Variants in RANBP2 observed in about 807,000 individuals in gnomAD.
The protein encoded by RANBP2 is RAN binding protein 2.
In RANBP2, 57 loss-of-function variants were observed where a neutral mutation model predicts 303.6. That is an observed-to-expected ratio of 0.19 (90% confidence interval 0.15 to 0.23). The LOEUF is 0.23. Among genes scored for constraint, RANBP2 ranks in the 10% least tolerant of loss-of-function variants. The pLI, the probability that RANBP2 is intolerant of heterozygous loss-of-function variation, is 1.00. For synonymous variants in RANBP2, 1,167 were observed against 1,301.5 expected (o/e 0.90, Z 2.23); for missense variants, 3,138 against 3,780.8 (o/e 0.83, Z 4.46).
the RANBP2 span, among the ~76,000 whole-genome samples, chr2:109,691,055 G>A: frequency 6.6e-6 from 1 of 152,192 alleles, no homozygotes; most frequent in Non-Finnish European, 1.5e-5. Context: ...TGCAAGGCAG[G>A]TTCTTTACAA....
the RANBP2 span, among the ~76,000 whole-genome samples, chr2:109,324,171 T>G: frequency 6.6e-6 from 1 of 152,232 alleles, no homozygotes; most frequent in Non-Finnish European, 1.5e-5. Context: ...TAATAATCCA[T>G]TGTGTGGCTA....
chr2:109,614,556 G>T, the RANBP2 span: 1 of 1,327,196 alleles, frequency 7.5e-7, no homozygotes, highest in Non-Finnish European at 9.6e-7. Context: ...GCGCTTCCTG[G>T]CGGAGCGCGG....
chr2:108,974,436 T>G, the RANBP2 span, among the ~76,000 whole-genome samples: 18 of 147,700 alleles, frequency 1.2e-4, no homozygotes, highest in Admixed American at 4.1e-4. Flanking sequence ...GATTACACCA[T>G]GAAAAGTAGA....
chr2:108,719,691 C>A lies in RANBP2; in HGVS notation c.72+13C>A. The A allele has an allele frequency of 6.3e-7, 1 of 1,594,252 alleles. No individual in the cohort carries two copies. The highest frequency in any genetic ancestry group is 1.1e-5 in the South Asian group (1 of 88,310). On this transcript the variant is annotated intron_variant, in intron 1 of 28. Transcript: ENST00000283195. Reference sequence around the variant, plus strand: ...GTCGCCTCGACAGGTGAGTGGGTCTCGAAGAGACCGACGGCCTCGACCTGG... The same window carrying A: ...GTCGCCTCGACAGGTGAGTGGGTCTAGAAGAGACCGACGGCCTCGACCTGG...
chr2:108,877,437 G>T, the RANBP2 span, among the ~76,000 whole-genome samples: 1 of 152,122 alleles, frequency 6.6e-6, no homozygotes, highest in African/African-American at 2.4e-5. Flanking sequence ...TTGCACTCCA[G>T]CCTGGGCAAC....
the RANBP2 span, among the ~76,000 whole-genome samples, chr2:109,735,566 T>G: frequency 1.3e-5 from 2 of 151,900 alleles, no homozygotes; most frequent in Non-Finnish European, 2.9e-5. Flanking sequence ...ATTACAAGAG[T>G]TCAAAAAGAG....
chr2:108,940,555 C>A, the RANBP2 span, among the ~76,000 whole-genome samples: 1 of 152,234 alleles, frequency 6.6e-6, no homozygotes, highest in Admixed American at 6.5e-5. Context: ...CCAGATCGGG[C>A]GGAGGTGAGA....
the RANBP2 span, among the ~76,000 whole-genome samples, chr2:109,621,489 G>A: frequency 0.27 from 40,718 of 151,728 alleles, 5,775 homozygotes; most frequent in East Asian, 0.4. Context: ...GAACCTGGGA[G>A]CCCTCCATTA....
the RANBP2 span, among the ~76,000 whole-genome samples, chr2:109,142,282 G>A: frequency 1.3e-5 from 2 of 152,154 alleles, no homozygotes; most frequent in African/African-American, 4.8e-5. Flanking sequence ...TTCCATTGGT[G>A]TTCTCAGGAA....
chr2:109,314,069 G>A, the RANBP2 span, among the ~76,000 whole-genome samples: 47,382 of 151,920 alleles, frequency 0.31, 9,164 homozygotes, highest in African/African-American at 0.55. Context: ...GAGAGGGGCC[G>A]TGAGACCCGG....
At chr2:109,449,341 C>T in the RANBP2 span, 5 of 1,606,306 alleles carry the variant, frequency 3.1e-6, no homozygotes, top group Non-Finnish European at 4.3e-6. Context: ...CCGGCCATCC[C>T]CCTCACATCA....
At chr2:109,488,127 C>T in the RANBP2 span, among the ~76,000 whole-genome samples, 1 of 152,202 alleles carries the variant, frequency 6.6e-6, no homozygotes, top group African/African-American at 2.4e-5. Context: ...TCCGCCGGGA[C>T]ACCTGGGGCA....
the RANBP2 span, among the ~76,000 whole-genome samples, chr2:109,274,364 G>A: frequency 1.3e-5 from 2 of 152,186 alleles, no homozygotes; most frequent in Admixed American, 6.5e-5. Flanking sequence ...ACACAGTAGC[G>A]AAAAGGTGGG....
the RANBP2 span, among the ~76,000 whole-genome samples, chr2:109,138,973 GTAATAAGAGA>G: frequency 6.6e-6 from 1 of 152,238 alleles, no homozygotes; most frequent in Non-Finnish European, 1.5e-5. Context: ...TTGACATGTG[GTAATAAGAGA>G]CATGAAGACA....
intron 23 of RANBP2, among the ~76,000 whole-genome samples, chr2:108,773,514 T>C (rs956630030): frequency 1.3e-5 from 2 of 152,146 alleles, no homozygotes; most frequent in African/African-American, 4.8e-5. Context: ...AAAACACTGA[T>C]GAAATAAAAA....
the RANBP2 span, among the ~76,000 whole-genome samples, chr2:109,197,655 G>C: frequency 2.0e-5 from 3 of 152,334 alleles, no homozygotes; most frequent in Admixed American, 2.0e-4. Flanking sequence ...CTTTGCATTT[G>C]TGTTTTGTGA....
the RANBP2 span, among the ~76,000 whole-genome samples, chr2:109,361,779 T>G: frequency 2.0e-5 from 3 of 152,334 alleles, no homozygotes; most frequent in East Asian, 5.8e-4. Flanking sequence ...CCTATTGAAT[T>G]ATATATTTCT....
the RANBP2 span, among the ~76,000 whole-genome samples, chr2:109,242,111 G>A: frequency 0.2 from 27,973 of 137,422 alleles, 2,716 homozygotes; most frequent in East Asian, 0.34. Context: ...TCCTCTGTTC[G>A]CCTCCTGTTT....
the RANBP2 span, among the ~76,000 whole-genome samples, chr2:109,120,487 C>T: frequency 6.6e-6 from 1 of 152,128 alleles, no homozygotes; most frequent in Non-Finnish European, 1.5e-5. Flanking sequence ...TTGGCCTTCC[C>T]ATGACCGCCC....
Sources: allele counts gnomAD v4.1 joint callset (sites outside exome capture counted in the v4.1 genomes callset), GRCh38; gene constraint gnomAD v4.1.1; transcripts MANE v1.5; gene names NCBI Gene and HGNC (gene_info 2026-07-23, HGNC 2026-07-21).